Variants in GALNT14 observed in about 807,000 individuals in gnomAD.
GALNT14 encodes UDP-GalNAc:polypeptide N-acetylgalactosaminyltransferase 14.
GALNT14 carries 60 observed loss-of-function variants against 77.5 expected under a neutral mutation model. The ratio of observed to expected loss-of-function variants is 0.77; its 90% confidence interval spans 0.63 to 0.96. The LOEUF is 0.96. GALNT14 is among the 40% of genes least tolerant of loss of function. The probability of loss-of-function intolerance (pLI) is 0.00; values close to 1 mark genes in which losing one functional copy is unlikely to be tolerated. For synonymous variants in GALNT14, 280 were observed against 281.7 expected (o/e 0.99, Z 0.06); for missense variants, 710 against 731.0 (o/e 0.97, Z 0.33).
intron 1 of GALNT14, among the ~76,000 whole-genome samples, chr2:31,071,436 C>T (rs1573296847): frequency 6.6e-6 from 1 of 152,276 alleles, no homozygotes; most frequent in South Asian, 2.1e-4. Flanking sequence ...GAGCTGAAAT[C>T]AAGGGTGGAT....
At chr2:30,953,076 C>T (rs2148310050) in intron 6 of GALNT14, among the ~76,000 whole-genome samples, 1 of 152,328 alleles carries the variant, frequency 6.6e-6, no homozygotes, top group South Asian at 2.1e-4. Context: ...TCTGATTCTG[C>T]AACCTTAACC....
intron 1 of GALNT14, among the ~76,000 whole-genome samples, chr2:31,055,312 A>G (rs565476257): frequency 6.6e-6 from 1 of 152,352 alleles, no homozygotes; most frequent in African/African-American, 2.4e-5. Flanking sequence ...ATTTTAAAGA[A>G]CATAAATGGC....
At chr2:30,963,799 A>G (rs1044846648) in intron 3 of GALNT14, among the ~76,000 whole-genome samples, 9 of 152,222 alleles carry the variant, frequency 5.9e-5, no homozygotes, top group Admixed American at 3.9e-4. Context: ...TAAGTATCCC[A>G]TAGCCTCCTT....
chr2:31,068,799 T>G (rs1337496989), intron 1 of GALNT14, among the ~76,000 whole-genome samples: 2 of 152,136 alleles, frequency 1.3e-5, no homozygotes, highest in African/African-American at 4.8e-5. Flanking sequence ...ATCCATACAA[T>G]GGAATAATAT....
chr2:30,955,727 G>A lies in GALNT14; in HGVS notation c.545C>T (p.Ser182Phe). Reference sequence around the variant, plus strand: ...GGCGATGTCAGCGCCCCGAATCCGGGACCGGACCAGACCTGCAGTCAGGAA... The same window carrying A: ...GGCGATGTCAGCGCCCCGAATCCGGAACCGGACCAGACCTGCAGTCAGGAA... ...RNNERQGLVR[S>F]RIRGADIAQG... Residue 182 changes from serine (S) to phenylalanine (F), a missense_variant, in exon 6 of 15, where the codon TCC (serine) becomes TTC (phenylalanine). Coordinates refer to ENST00000349752, the MANE Select transcript of GALNT14 (RefSeq NM_024572.4). The A allele has an allele frequency of 6.2e-7, 1 of 1,614,090 alleles. No individual in the cohort carries two copies. The highest frequency in any genetic ancestry group is 8.5e-7 in the Non-Finnish European group (1 of 1,180,020).
At chr2:30,940,334 T>C (rs1312060767) in intron 9 of GALNT14, among the ~76,000 whole-genome samples, 1 of 152,204 alleles carries the variant, frequency 6.6e-6, no homozygotes, top group Non-Finnish European at 1.5e-5. Context: ...GACTGTGCCA[T>C]CCTTGAAATT....
intron 1 of GALNT14, among the ~76,000 whole-genome samples, chr2:31,091,619 T>C (rs981315212): frequency 2.6e-5 from 4 of 152,198 alleles, no homozygotes; most frequent in African/African-American, 9.7e-5. Context: ...AACAAATTTA[T>C]TTATCACAGT....
Position 31,073,649 on chromosome 2 carries a change from GAAGAA to G in GALNT14, c.129+64304_129+64308del, listed in dbSNP as rs1675572760. Reference sequence around the variant, plus strand: ...GACTGGGGCAGGAAAGTGAAAGAAAGAAGAAAAGAGATGAGGTCAGGGTGGCAGGG... The same window carrying G: ...GACTGGGGCAGGAAAGTGAAAGAAAGAAGAGATGAGGTCAGGGTGGCAGGG... On this transcript the variant is annotated intron_variant, in intron 1 of 14. Coordinates refer to ENST00000349752, the MANE Select transcript of GALNT14 (RefSeq NM_024572.4). Among the ~76,000 whole-genome samples, 5 of 152,116 alleles carry G rather than the reference GAAGAA, an allele frequency of 3.3e-5. No individual in the cohort carries two copies. The South Asian group carries it at 1.0e-3, about 32-fold the overall frequency.
intron 1 of GALNT14, among the ~76,000 whole-genome samples, chr2:31,113,679 A>G (rs1288524117): frequency 6.6e-6 from 1 of 152,200 alleles, no homozygotes; most frequent in Non-Finnish European, 1.5e-5. Flanking sequence ...GAGAATCATC[A>G]TCTTGGACAA....
At chr2:31,083,835 T>C (rs1226312269) in intron 1 of GALNT14, among the ~76,000 whole-genome samples, 2 of 152,174 alleles carry the variant, frequency 1.3e-5, no homozygotes, top group African/African-American at 4.8e-5. Flanking sequence ...ACAGGGCAGT[T>C]ACACAACCTT....
At chr2:30,908,900 C>T (rs1440452094), downstream of GALNT14, among the ~76,000 whole-genome samples, 21 of 149,862 alleles carry the variant, frequency 1.4e-4, no homozygotes, top group Non-Finnish European at 1.3e-4. Context: ...TCAGAAATAA[C>T]GCCGCATATC....
intron 1 of GALNT14, among the ~76,000 whole-genome samples, chr2:31,016,114 G>T (rs962014185): frequency 6.6e-6 from 1 of 152,166 alleles, no homozygotes; most frequent in South Asian, 2.1e-4. Flanking sequence ...AACAACAGAA[G>T]TTTATTTTCT....
At chr2:31,074,172 C>T (rs1675606055) in intron 1 of GALNT14, among the ~76,000 whole-genome samples, 1 of 152,124 alleles carries the variant, frequency 6.6e-6, no homozygotes, top group Non-Finnish European at 1.5e-5. Context: ...GAGACGGTGC[C>T]AGGGAGACGG....
chr2:30,903,177 C>A, the GALNT14 span, among the ~76,000 whole-genome samples: 4 of 152,248 alleles, frequency 2.6e-5, no homozygotes, highest in African/African-American at 9.6e-5. Flanking sequence ...AAGTCTATAG[C>A]AGTCTGCGGT....
intron 1 of GALNT14, among the ~76,000 whole-genome samples, chr2:31,058,317 C>T (rs1239289119): frequency 2.0e-5 from 3 of 152,006 alleles, no homozygotes; most frequent in Non-Finnish European, 4.4e-5. Context: ...CTGGGCTGGG[C>T]GAATTAGGTG....
chr2:30,912,333 A>G lies in GALNT14; in HGVS notation c.1390T>C (p.Phe464Leu). ...TGGAGGATCTGCTGGGTGTATGTGA[A>G]GGCCCATACCTGGGGAGAAAGAGAC... is the stretch of plus-strand genomic sequence containing the variant. ...GEDAKSQVWA[F>L]TYTQQILQEE... Residue 464 changes from phenylalanine to leucine, a missense_variant, in exon 14 of 15, where the codon TTC becomes CTC. Coordinates refer to ENST00000349752, the MANE Select transcript of GALNT14 (RefSeq NM_024572.4). 3 of 1,614,088 alleles carry G rather than the reference A, an allele frequency of 1.9e-6. No homozygotes were observed. Among genetic ancestry groups the G allele is most frequent in the Non-Finnish European group, 1.7e-6 (2 of 1,179,992 alleles).
At chr2:31,029,482 A>G (rs1672278375) in intron 1 of GALNT14, among the ~76,000 whole-genome samples, 1 of 152,208 alleles carries the variant, frequency 6.6e-6, no homozygotes, top group Non-Finnish European at 1.5e-5. Context: ...TTGTAATACA[A>G]TACAACGTAG....
At position 30,976,250 on chromosome 2, in the gene GALNT14, C is replaced by T. The variant is rs779761921; in HGVS notation, c.300-9948G>A. On this transcript the variant is annotated intron_variant, in intron 2 of 14. Coordinates refer to ENST00000349752, the MANE Select transcript of GALNT14 (RefSeq NM_024572.4). Reference sequence around the variant, plus strand: ...TCTGGCCCCAATCTACCTCCTCAGGCAGTTCTGCTGCCTGTACTGACTCGT... The same window carrying T: ...TCTGGCCCCAATCTACCTCCTCAGGTAGTTCTGCTGCCTGTACTGACTCGT... Among the ~76,000 whole-genome samples the T allele has an allele frequency of 3.7e-4, 57 of 152,308 alleles. No individual in the cohort carries two copies. In the Middle Eastern group the frequency reaches 0.02, roughly 55 times the overall value.
At chr2:31,037,717 A>G (rs993330347) in intron 1 of GALNT14, among the ~76,000 whole-genome samples, 2 of 152,108 alleles carry the variant, frequency 1.3e-5, no homozygotes, top group Admixed American at 6.5e-5. Context: ...CTCCTGAACT[A>G]ATCAGTGTAG....
Sources: gnomAD v4.1 joint callset for allele counts (sites outside exome capture counted in the v4.1 genomes callset) on GRCh38, gnomAD v4.1.1 for gene constraint, MANE v1.5 for transcripts, NCBI Gene and HGNC (gene_info 2026-07-23, HGNC 2026-07-21) for gene names.